FARS2: variants seen among roughly 807,000 people sequenced by gnomAD.
FARS2 encodes the protein phenylalanine--tRNA ligase, mitochondrial.
Under a neutral mutation model 46.4 loss-of-function variants are expected in FARS2, and 40 were observed. The ratio of observed to expected loss-of-function variants is 0.86; its 90% CI spans 0.67 to 1.12. The LOEUF is 1.12. Ranked by LOEUF, FARS2 falls within the 50% of genes most tolerant of loss-of-function variation. FARS2 has a pLI of 0.00. For synonymous variants in FARS2, 234 were observed against 214.9 expected (o/e 1.09, Z -0.78); for missense variants, 513 against 567.9 (o/e 0.90, Z 0.98).
chr6:5,698,877 G>T (rs181023883), intron 6 of FARS2, among the ~76,000 whole-genome samples: 5 of 152,272 alleles, frequency 3.3e-5, no homozygotes, highest in East Asian at 1.9e-4. Flanking sequence ...GAGCTGGTCT[G>T]TGGGGGATCT....
chr6:5,507,615 G>A (rs1389647285), intron 4 of FARS2, among the ~76,000 whole-genome samples: 1 of 152,206 alleles, frequency 6.6e-6, no homozygotes, highest in African/African-American at 2.4e-5. Context: ...AGGAAGCAGA[G>A]CTGTTCATTG....
chr6:5,511,592 A>T (rs1768456413), intron 4 of FARS2, among the ~76,000 whole-genome samples: 1 of 152,222 alleles, frequency 6.6e-6, no homozygotes, highest in South Asian at 2.1e-4. Flanking sequence ...AAAACCAAAG[A>T]GAAAAACAGA....
intron 5 of FARS2, among the ~76,000 whole-genome samples, chr6:5,593,812 C>T (rs1007870969): frequency 5.9e-5 from 9 of 152,252 alleles, no homozygotes; most frequent in Middle Eastern, 3.4e-3. Flanking sequence ...GGAAGATGGT[C>T]GGAGAGTCCT....
At chr6:5,481,306 G>A (rs1766443043) in intron 4 of FARS2, among the ~76,000 whole-genome samples, 1 of 152,200 alleles carries the variant, frequency 6.6e-6, no homozygotes, top group Non-Finnish European at 1.5e-5. Context: ...GAGGGGATGT[G>A]TAAAGCACTG....
intron 6 of FARS2, among the ~76,000 whole-genome samples, chr6:5,751,063 A>G (rs1269881465): frequency 2.0e-5 from 3 of 152,116 alleles, no homozygotes; most frequent in Non-Finnish European, 4.4e-5. Context: ...ATACTGTTCA[A>G]TGTTTTTTCT....
At chr6:5,282,135 A>G (rs1295460020) in intron 1 of FARS2, among the ~76,000 whole-genome samples, 1 of 152,332 alleles carries the variant, frequency 6.6e-6, no homozygotes, top group African/African-American at 2.4e-5. Context: ...AGGGATTCAG[A>G]TGGCTTTTTA....
At chr6:5,509,788 A>G (rs1768320151) in intron 4 of FARS2, among the ~76,000 whole-genome samples, 1 of 152,170 alleles carries the variant, frequency 6.6e-6, no homozygotes. Context: ...GGTTTTTAAA[A>G]AACAGGTTAC....
intron 5 of FARS2, among the ~76,000 whole-genome samples, chr6:5,570,271 A>G (rs1169752250): frequency 6.6e-6 from 1 of 152,212 alleles, no homozygotes; most frequent in East Asian, 1.9e-4. Flanking sequence ...TAAGGTGTTT[A>G]TTTTGGTGGA....
chr6:5,406,638 C>G (rs1002030907), intron 3 of FARS2, among the ~76,000 whole-genome samples: 2 of 151,842 alleles, frequency 1.3e-5, no homozygotes, highest in African/African-American at 4.8e-5. Flanking sequence ...AATCAGTATC[C>G]CATTCCACGA....
chr6:5,534,491 T>C (rs541843032), intron 4 of FARS2, among the ~76,000 whole-genome samples: 1 of 152,344 alleles, frequency 6.6e-6, no homozygotes, highest in East Asian at 1.9e-4. Context: ...CTGTTCAAGA[T>C]ATTTCACGTA....
the FARS2 span, among the ~76,000 whole-genome samples, chr6:5,254,617 C>T: frequency 6.6e-6 from 1 of 152,192 alleles, no homozygotes; most frequent in African/African-American, 2.4e-5. Context: ...TGTGCCCTAA[C>T]AAAGGTAAGA....
chr6:5,372,907 A>AATT (rs1759146423), intron 2 of FARS2, among the ~76,000 whole-genome samples: 1 of 152,166 alleles, frequency 6.6e-6, no homozygotes, highest in African/African-American at 2.4e-5. Context: ...TGATGCTAAA[A>AATT]ATGACTTTAT....
At chr6:5,653,918 C>G (rs1044116928) in intron 6 of FARS2, among the ~76,000 whole-genome samples, 1 of 152,120 alleles carries the variant, frequency 6.6e-6, no homozygotes, top group Non-Finnish European at 1.5e-5. Context: ...CTGACTCTAC[C>G]CTGGTTTCTG....
chr6:5,551,108 C>T (rs1476927007), intron 5 of FARS2, among the ~76,000 whole-genome samples: 2 of 152,224 alleles, frequency 1.3e-5, no homozygotes, highest in Non-Finnish European at 2.9e-5. Context: ...CTGTTTTCTC[C>T]TGCAAGAATA....
chr6:5,302,596 G>A (rs1056270153), intron 1 of FARS2, among the ~76,000 whole-genome samples: 1 of 152,158 alleles, frequency 6.6e-6, no homozygotes, highest in African/African-American at 2.4e-5. Context: ...TTACAGATGG[G>A]GAGATGAGGC....
At chr6:5,698,934 C>T (rs2150879594) in intron 6 of FARS2, among the ~76,000 whole-genome samples, 1 of 152,306 alleles carries the variant, frequency 6.6e-6, no homozygotes, top group Non-Finnish European at 1.5e-5. Context: ...GGAACCAAGC[C>T]ACACCACCTG....
At chr6:5,523,270 C>G (rs17140763) in intron 4 of FARS2, among the ~76,000 whole-genome samples, 1 of 152,076 alleles carries the variant, frequency 6.6e-6, no homozygotes, top group Non-Finnish European at 1.5e-5. Context: ...AACACCTGCA[C>G]GGGCATAGAA....
chr6:5,733,655 A>C (rs981254125), intron 6 of FARS2, among the ~76,000 whole-genome samples: 1 of 152,210 alleles, frequency 6.6e-6, no homozygotes, highest in African/African-American at 2.4e-5. Flanking sequence ...TTAGTAGCCC[A>C]GAGTTGAGTC....
chr6:5,541,219 T>C (rs1278453907), intron 4 of FARS2, among the ~76,000 whole-genome samples: 3 of 152,332 alleles, frequency 2.0e-5, no homozygotes, highest in Admixed American at 6.5e-5. Context: ...CAGTTTCCAG[T>C]TCACAAGGAG....
Sources: gnomAD v4.1 joint callset for allele counts (sites outside exome capture counted in the v4.1 genomes callset) on GRCh38, gnomAD v4.1.1 for gene constraint, MANE v1.5 for transcripts, NCBI Gene and HGNC (gene_info 2026-07-23, HGNC 2026-07-21) for gene names.